The following TPRG1 variants were observed in gnomAD, a reference collection of about 807,000 sequenced individuals.
TPRG1 encodes the protein tumor protein p63-regulated gene 1 protein.
Under a neutral mutation model 29.3 loss-of-function variants are expected in TPRG1, and 29 were observed. That is an observed-to-expected ratio of 0.99 (90% CI 0.74 to 1.35). The LOEUF (loss-of-function observed/expected upper bound fraction) is 1.35. Among genes scored for constraint, TPRG1 ranks in the 40% most tolerant of loss-of-function variants. TPRG1 has a pLI of 0.00. For synonymous variants in TPRG1, 130 were observed against 116.8 expected, an observed-to-expected ratio of 1.11 and a Z score of -0.73; for missense variants, 327 against 335.0, an observed-to-expected ratio of 0.98 and a Z score of 0.19.
At position 189,111,337 on chromosome 3, in the gene TPRG1, A is replaced by G. The variant is rs77992041; in HGVS notation, c.-744+11133A>G. ...TAAATATTTCAGGCTTTTTGTTGCT[A>G]TTGTAAATTATGGTTTTAAAATTTT... On this transcript the variant is annotated intron_variant, in intron 1 of 6. Transcript: ENST00000412373. Among the ~76,000 whole-genome samples, 1,009 of 152,110 alleles carry G rather than the reference A, an allele frequency of 6.6e-3. 14 individuals carry two copies. The highest frequency in any genetic ancestry group is 0.023 in the African/African-American group (951 of 41,530).
At chr3:189,291,004 C>T (rs941608740) in intron 4 of TPRG1, among the ~76,000 whole-genome samples, 9 of 152,112 alleles carry the variant, frequency 5.9e-5, no homozygotes, top group African/African-American at 2.2e-4. Flanking sequence ...CGGGTTCACG[C>T]CATTCTCCTG....
intron 4 of TPRG1, among the ~76,000 whole-genome samples, chr3:189,262,844 G>C (rs1314088894): frequency 6.6e-6 from 1 of 152,172 alleles, no homozygotes; most frequent in African/African-American, 2.4e-5. Context: ...TCAAACTCAC[G>C]CACACAGCTG....
At chr3:189,315,992 G>A (rs558856761) in intron 5 of TPRG1, among the ~76,000 whole-genome samples, 8 of 152,334 alleles carry the variant, frequency 5.3e-5, no homozygotes, top group South Asian at 4.1e-4. Context: ...ACCAAAGAAG[G>A]TGGGAAAAGA....
intron 1 of TPRG1, among the ~76,000 whole-genome samples, chr3:189,190,032 T>G (rs1230393009): frequency 6.6e-6 from 1 of 152,172 alleles, no homozygotes; most frequent in Non-Finnish European, 1.5e-5. Context: ...GGGAATACAT[T>G]TGAGAGTCGC....
intron 3 of TPRG1, among the ~76,000 whole-genome samples, chr3:189,237,140 C>A (rs1739612643): frequency 1.3e-5 from 2 of 152,094 alleles, no homozygotes; most frequent in Admixed American, 1.3e-4. Context: ...CTCACACCAC[C>A]AAAAGTCTCC....
chr3:189,023,082 T>C lies in TPRG1; in HGVS notation c.-659-668T>C, dbSNP rs370532872. 2.3e-4 allele frequency among the ~76,000 whole-genome samples: 35 copies of C among 152,328 alleles called. No individual in the cohort carries two copies. The East Asian group carries it at 2.5e-3, about 11-fold the overall frequency. On this transcript the variant is annotated intron_variant, in intron 3 of 10. Coordinates refer to the TPRG1 transcript ENST00000433971. ...AGTGAGGCAATACCTCGCCCTGCTT[T>C]GGCTCGCGCATGGTGCGCGCACCCA... is the stretch of plus-strand genomic sequence containing the variant.
At chr3:189,281,123 C>T (rs1326606848) in intron 4 of TPRG1, among the ~76,000 whole-genome samples, 1 of 152,144 alleles carries the variant, frequency 6.6e-6, no homozygotes, top group African/African-American at 2.4e-5. Context: ...TCATTTAACA[C>T]ACTATAAGGT....
At chr3:189,190,342 G>T (rs1284434431) in intron 1 of TPRG1, among the ~76,000 whole-genome samples, 1 of 152,118 alleles carries the variant, frequency 6.6e-6, no homozygotes, top group East Asian at 1.9e-4. Context: ...ATCAAATTCT[G>T]GCCCTGTGAG....
rs918105149 is a variant in TPRG1 at position 189,304,818 on chromosome 3, GA to G, written c.480-5565del. Among the ~76,000 whole-genome samples, 14 of 152,232 alleles carry G rather than the reference GA, an allele frequency of 9.2e-5. 1 individual carries two copies. Among genetic ancestry groups the G allele is most frequent in the Middle Eastern group, 6.8e-3 (2 of 294 alleles). ...AACAATACTTGCTCTAAGGTAGGGG[GA>G]AAGGAGACATTAAGAAAATAGATCA... is the stretch of plus-strand genomic sequence containing the variant. On this transcript the variant is annotated intron_variant, in intron 4 of 5. Coordinates refer to ENST00000345063, the MANE Select transcript of TPRG1 (RefSeq NM_198485.4).
intron 3 of TPRG1, among the ~76,000 whole-genome samples, chr3:189,014,318 G>T (rs1160048704): frequency 6.6e-6 from 1 of 152,066 alleles, no homozygotes; most frequent in Non-Finnish European, 1.5e-5. Flanking sequence ...TTTCCTTTAA[G>T]AAAGTTGAAT....
intron 3 of TPRG1, among the ~76,000 whole-genome samples, chr3:189,142,302 G>T (rs1724679042): frequency 6.6e-6 from 1 of 152,106 alleles, no homozygotes; most frequent in Admixed American, 6.5e-5. Context: ...ACTACACCAA[G>T]GGATTGATTA....
chr3:189,038,077 A>G (rs1003558111), intron 4 of TPRG1, among the ~76,000 whole-genome samples: 2 of 151,916 alleles, frequency 1.3e-5, no homozygotes, highest in South Asian at 2.1e-4. Context: ...GTGAAAAACA[A>G]AAGTCCATAA....
chr3:189,312,117 G>GTTTCTTTC (rs71169040), intron 5 of TPRG1, among the ~76,000 whole-genome samples: 69 of 61,370 alleles, frequency 1.1e-3, no homozygotes, highest in East Asian at 1.3e-3. Flanking sequence ...TTCTTTCTTT[G>GTTTCTTTC]TTTCTTTCTT....
chr3:189,256,494 G>A (rs1579065985), intron 4 of TPRG1, among the ~76,000 whole-genome samples: 1 of 152,282 alleles, frequency 6.6e-6, no homozygotes, highest in East Asian at 1.9e-4. Context: ...GATTTGGGGT[G>A]GAGAGTTCTG....
At chr3:189,297,965 C>T (rs956618943) in intron 4 of TPRG1, among the ~76,000 whole-genome samples, 3 of 152,118 alleles carry the variant, frequency 2.0e-5, no homozygotes, top group African/African-American at 4.8e-5. Context: ...TCTGAACTAT[C>T]GCTCTGGGCC....
At chr3:189,269,620 T>C (rs1714737296) in intron 4 of TPRG1, among the ~76,000 whole-genome samples, 1 of 152,174 alleles carries the variant, frequency 6.6e-6, no homozygotes, top group African/African-American at 2.4e-5. Context: ...AAAAACCCTG[T>C]TAATTATGAT....
chr3:189,073,977 A>G (rs1369275279), intron 4 of TPRG1, among the ~76,000 whole-genome samples: 1 of 152,048 alleles, frequency 6.6e-6, no homozygotes, highest in Admixed American at 6.5e-5. Flanking sequence ...GAAACTGTTG[A>G]TTCAAGTTGT....
intron 4 of TPRG1, among the ~76,000 whole-genome samples, chr3:189,149,535 T>C (rs1252964605): frequency 2.0e-5 from 3 of 152,088 alleles, no homozygotes; most frequent in Non-Finnish European, 2.9e-5. Context: ...TGATGAAGAG[T>C]GACTGGTCCC....
rs567177076 is a variant in TPRG1, at chr3:189,245,670, A to G, written c.479+6761A>G. Among the ~76,000 whole-genome samples, 34 of 152,268 alleles carry G rather than the reference A, an allele frequency of 2.2e-4. 2 individuals are homozygous for G. In the South Asian group the frequency reaches 6.8e-3, roughly 31 times the overall value. On this transcript the variant is annotated intron_variant, in intron 4 of 5. Coordinates refer to ENST00000345063, the MANE Select transcript of TPRG1 (RefSeq NM_198485.4). The stretch of plus-strand genomic sequence containing the variant: ...GAATTTTATTTGTAGTTTTTTACAA[A>G]TATCAATTGGGATATTGTGTTTGAT...
Sources: allele counts gnomAD v4.1 joint callset (sites outside exome capture counted in the v4.1 genomes callset), GRCh38; gene constraint gnomAD v4.1.1; transcripts MANE v1.5; gene names NCBI Gene and HGNC (gene_info 2026-07-23, HGNC 2026-07-21).